Variants in ARMH3 observed in about 807,000 individuals in gnomAD.
ARMH3 encodes armadillo-like helical domain-containing protein 3.
ARMH3 carries 60 observed loss-of-function variants against 99.1 expected under a neutral mutation model. The observed-to-expected ratio is 0.61, with a 90% CI of 0.49 to 0.75. The LOEUF is 0.75. Among genes scored for constraint, ARMH3 ranks in the 30% least tolerant of loss-of-function variants. The pLI is 0.00. For missense variants in ARMH3, 679 were observed against 843.1 expected (o/e 0.81, Z 2.41); for synonymous variants, 285 against 292.8 (o/e 0.97, Z 0.27).
chr10:101,992,246 G>A (rs536678412), intron 17 of ARMH3, among the ~76,000 whole-genome samples: 2 of 152,202 alleles, frequency 1.3e-5, no homozygotes, highest in African/African-American at 4.8e-5. Flanking sequence ...ATCAATGCAC[G>A]CCTGTTACAA....
At chr10:101,936,938 T>A (rs555025124) in intron 23 of ARMH3, among the ~76,000 whole-genome samples, 2 of 152,334 alleles carry the variant, frequency 1.3e-5, no homozygotes, top group East Asian at 3.9e-4. Context: ...TTACATTATA[T>A]AATTCTCACA....
At chr10:102,006,253 C>A (rs537876434) in intron 14 of ARMH3, among the ~76,000 whole-genome samples, 5 of 152,230 alleles carry the variant, frequency 3.3e-5, no homozygotes, top group Non-Finnish European at 4.4e-5. Context: ...GAGAGTGTGG[C>A]AGGACAGGCA....
chr10:101,909,842 T>G (rs1414128571), intron 23 of ARMH3, among the ~76,000 whole-genome samples: 2 of 152,138 alleles, frequency 1.3e-5, no homozygotes, highest in Non-Finnish European at 2.9e-5. Context: ...ATATACCTAT[T>G]ATGTACCCAC....
chr10:101,908,264 A>C (rs1208768981), intron 23 of ARMH3, among the ~76,000 whole-genome samples: 1 of 152,240 alleles, frequency 6.6e-6, no homozygotes, highest in East Asian at 1.9e-4. Flanking sequence ...CTAGTAATGC[A>C]TGTAAATACA....
chr10:101,982,018 T>A, intron 19 of ARMH3, among the ~76,000 whole-genome samples: 1 of 80,074 alleles, frequency 1.2e-5, no homozygotes, highest in Non-Finnish European at 2.6e-5. Context: ...CGAGACTCTA[T>A]CTCAAAAAAA....
At chr10:101,928,720 T>C (rs995909052) in intron 23 of ARMH3, among the ~76,000 whole-genome samples, 2 of 152,146 alleles carry the variant, frequency 1.3e-5, no homozygotes, top group Admixed American at 6.5e-5. Context: ...TATTTTGTTG[T>C]TGTTGTTGTT....
intron 6 of ARMH3, among the ~76,000 whole-genome samples, chr10:102,024,242 A>G (rs1564859465): frequency 6.6e-6 from 1 of 152,092 alleles, no homozygotes; most frequent in Non-Finnish European, 1.5e-5. Context: ...CAAGGTCAGG[A>G]GTTCAAGACC....
chr10:102,023,450 C>A, intron 8 of ARMH3, 27 bp downstream of exon 8: 1 of 1,587,260 alleles, frequency 6.3e-7, no homozygotes, highest in Non-Finnish European at 8.6e-7. Flanking sequence ...AGGCAGATAA[C>A]AACTGTCCAC....
intron 24 of ARMH3, among the ~76,000 whole-genome samples, chr10:101,883,364 C>A (rs1450517815): frequency 6.6e-6 from 1 of 151,928 alleles, no homozygotes; most frequent in East Asian, 1.9e-4. Context: ...TTACAGTAAG[C>A]AATGATCACT....
chr10:102,032,795 T>C (rs2067162371), intron 4 of ARMH3: 1 of 459,692 alleles, frequency 2.2e-6, no homozygotes, highest in Non-Finnish European at 3.8e-6. Flanking sequence ...TGTCTAAGAA[T>C]CTACTTTAGC....
At chr10:101,854,437 A>G (rs1564690883) in intron 24 of ARMH3, among the ~76,000 whole-genome samples, 2 of 152,170 alleles carry the variant, frequency 1.3e-5, no homozygotes, top group East Asian at 3.9e-4. Flanking sequence ...ACCTATTTCA[A>G]ACTGTCCCAA....
intron 24 of ARMH3, among the ~76,000 whole-genome samples, chr10:101,875,324 G>A (rs1344438799): frequency 1.3e-5 from 2 of 151,930 alleles, no homozygotes; most frequent in East Asian, 3.9e-4. Flanking sequence ...TCCCTCCACT[G>A]GGTGCTTATA....
intron 8 of ARMH3, among the ~76,000 whole-genome samples, chr10:102,020,838 ACT>A (rs1285091088): frequency 1.4e-5 from 2 of 144,162 alleles, no homozygotes; most frequent in African/African-American, 2.6e-5. Context: ...ACAGACTAAG[ACT>A]CTGTCTCAAA....
chr10:101,954,979 T>A (rs2135798776), intron 22 of ARMH3, among the ~76,000 whole-genome samples: 1 of 152,314 alleles, frequency 6.6e-6, no homozygotes, highest in Non-Finnish European at 1.5e-5. Context: ...CTCCAACTCT[T>A]TCCTTTTCTC....
chr10:101,984,788 A>T (rs1291120114), intron 19 of ARMH3, among the ~76,000 whole-genome samples: 5 of 151,980 alleles, frequency 3.3e-5, no homozygotes, highest in African/African-American at 1.2e-4. Flanking sequence ...TATATACTGG[A>T]GGCCAGGCAC....
At chr10:101,847,717 G>C in intron 25 of ARMH3, 97 bp from the exon 26 acceptor site, 1 of 1,071,902 alleles carries the variant, frequency 9.3e-7, no homozygotes, top group Non-Finnish European at 1.4e-6. Flanking sequence ...CTGCTACACG[G>C]GGCACTAGAA....
chr10:101,996,187 G>A (rs949617687), intron 15 of ARMH3, among the ~76,000 whole-genome samples: 1 of 152,212 alleles, frequency 6.6e-6, no homozygotes, highest in Non-Finnish European at 1.5e-5. Context: ...AAGGAAGTAA[G>A]AAGAGGATCA....
chr10:102,010,554 T>C (rs566922233), intron 11 of ARMH3, among the ~76,000 whole-genome samples: 10 of 152,240 alleles, frequency 6.6e-5, no homozygotes, highest in Non-Finnish European at 1.3e-4. Flanking sequence ...CTTTAGTTTG[T>C]GTCCTAGTCA....
At chr10:102,023,445 G>A in intron 8 of ARMH3, 32 bp downstream of exon 8, 1 of 1,579,722 alleles carries the variant, frequency 6.3e-7, no homozygotes, top group Middle Eastern at 1.7e-4. Flanking sequence ...ATTATAGGCA[G>A]ATAACAACTG....
Sources: gnomAD v4.1 joint callset for allele counts (sites outside exome capture counted in the v4.1 genomes callset) on GRCh38, gnomAD v4.1.1 for gene constraint, MANE v1.5 for transcripts, NCBI Gene and HGNC (gene_info 2026-07-23, HGNC 2026-07-21) for gene names.